REG4: variants seen among roughly 807,000 people sequenced by gnomAD.
REG4 encodes regenerating family member 4.
In REG4, 16 loss-of-function variants were observed where a neutral mutation model predicts 22.3. The ratio of observed to expected loss-of-function variants is 0.72; its 90% CI spans 0.49 to 1.09. The LOEUF is 1.09. Among genes scored for constraint, REG4 ranks in the 50% least tolerant of loss-of-function variants. The pLI is 0.00. For missense variants in REG4, 214 were observed against 193.9 expected, an observed-to-expected ratio of 1.10 and a Z score of -0.61; for synonymous variants, 71 against 69.2, an observed-to-expected ratio of 1.03 and a Z score of -0.13.
intron 4 of REG4, 25 bp downstream of exon 4, chr1:119,799,700 C>T (rs371715163): frequency 1.2e-6 from 2 of 1,606,708 alleles, no homozygotes; most frequent in Non-Finnish European, 8.5e-7. Context: ...CCCAAGAGGG[C>T]CTTTGTGGCC....
Position 119,799,736 on chromosome 1 carries a change from C to A in REG4, c.292G>T (p.Asp98Tyr). Residue 98 changes from aspartate to tyrosine, a missense_variant, in exon 4 of 6, where the codon GAC becomes TAC. Asp to Tyr is a radical substitution (Grantham distance 160, BLOSUM62 -3). Coordinates refer to ENST00000256585, the MANE Select transcript of REG4 (RefSeq NM_032044.4). ...AAGTCTGAGGTTACCTTCTGTGGGT[C>A]GTGCAGGCCAATCCATATCGGCTGG... is the stretch of plus-strand genomic sequence containing the variant. ...RSQPIWIGLH[D>Y]PQKRQQWQWI... 2.5e-6 allele frequency: 4 copies of A among 1,613,772 alleles called. No individual in the cohort carries two copies. Among genetic ancestry groups the A allele is most frequent in the Non-Finnish European group, 2.5e-6 (3 of 1,179,868 alleles).
chr1:119,798,742 A>G (rs1177638903), intron 4 of REG4, 140 bp from the exon 5 acceptor site: 1 of 574,986 alleles, frequency 1.7e-6, no homozygotes, highest in Non-Finnish European at 3.1e-6. Context: ...AAGGAAAAAG[A>G]GAAAGTCATT....
At chr1:119,799,668 A>C in intron 4 of REG4, 57 bp downstream of exon 4, 1 of 1,591,448 alleles carries the variant, frequency 6.3e-7, no homozygotes, top group South Asian at 1.1e-5. Flanking sequence ...ATTCCCCAAA[A>C]AGAGGATGCC....
rs375392483 is a variant in REG4 at position 119,803,184 on chromosome 1, C to T, written c.68-19G>A. On this transcript the variant is annotated intron_variant, in intron 2 of 5. Transcript: ENST00000256585. Reference sequence around the variant, plus strand: ...ATGATATCTGCACATAAACAAAAGGCAATTGCACATTATGATAGCAAAAAC... The same window carrying T: ...ATGATATCTGCACATAAACAAAAGGTAATTGCACATTATGATAGCAAAAAC... 1.4e-5 allele frequency: 21 copies of T among 1,502,762 alleles called. No individual in the cohort carries two copies. The highest frequency in any genetic ancestry group is 5.6e-5 in the South Asian group (4 of 71,850). The allele number at this position is 1,502,762 out of a possible 1,614,324, so 93.1% of individuals were successfully genotyped here.
intron 3 of REG4, chr1:119,802,488 A>G: frequency 9.7e-7 from 1 of 1,029,086 alleles, no homozygotes; most frequent in Non-Finnish European, 1.2e-6. Context: ...ATTAATCACA[A>G]TTCAGCAGCA....
chr1:119,809,830 A>T (rs2994810), intron 1 of REG4, among the ~76,000 whole-genome samples: 121,117 of 152,148 alleles, frequency 0.8, 48,499 homozygotes, highest in South Asian at 0.84. Flanking sequence ...AAGCTCCCAG[A>T]GAATGCTTAA....
rs1654399547 is a variant in REG4, at chr1:119,808,651, G to A, written c.67+52C>T. 6.4e-6 allele frequency: 8 copies of A among 1,253,342 alleles called. No homozygotes were observed. In the South Asian group the frequency reaches 9.7e-5, roughly 15 times the overall value. 77.6% of individuals were successfully genotyped at this position (1,253,342 alleles called of 1,614,324 possible). A position where few individuals can be genotyped will look rare whatever the true frequency, so the allele number is the denominator to read the frequency against. On this transcript the variant is annotated intron_variant, in intron 2 of 5. Coordinates refer to ENST00000256585, the MANE Select transcript of REG4 (RefSeq NM_032044.4). ...GCAAATGGATGACTGTCTCACATGG[G>A]CTGTGTGAACACTGGCTGTGGCTCA...
In REG4 at chr1:119,798,763, G is replaced by A. The variant is rs897999674; in HGVS notation, c.304-161C>T. On this transcript the variant is annotated intron_variant, in intron 4 of 5. Coordinates refer to ENST00000256585, the MANE Select transcript of REG4 (RefSeq NM_032044.4). Reference sequence around the variant, plus strand: ...AAAGAGAAAGTCATTCCACTCAACCGCTAATAGGAAAACATTACCAATATT... The same window carrying A: ...AAAGAGAAAGTCATTCCACTCAACCACTAATAGGAAAACATTACCAATATT... 4.6e-5 allele frequency among the ~76,000 whole-genome samples: 7 copies of A among 152,144 alleles called. No homozygotes were observed. In the South Asian group the frequency reaches 6.2e-4, roughly 14 times the overall value.
intron 1 of REG4, among the ~76,000 whole-genome samples, chr1:119,810,833 A>C (rs1654472367): frequency 6.6e-6 from 1 of 152,150 alleles, no homozygotes; most frequent in Non-Finnish European, 1.5e-5. Context: ...CAGGTGGATC[A>C]CCTGAGGTCA....
Position 119,794,017 on chromosome 1 carries a change from T to C in REG4, c.*601A>G. On this transcript the variant is annotated 3_prime_UTR_variant, in exon 6 of 6. Transcript: ENST00000256585. ...TCAGATGAAGGAGACGAAGAAGCAC[T>C]TGGGTGTATTTCTTGGTCTTATTTC... The C allele has an allele frequency of 2.1e-6, 1 of 480,662 alleles. No homozygotes were observed. The highest frequency in any genetic ancestry group is 4.3e-6 in the Non-Finnish European group (1 of 230,370). 29.8% of individuals were successfully genotyped at this position (480,662 alleles called of 1,614,324 possible).
chr1:119,802,734 T>C (rs1477541346), intron 3 of REG4: 7 of 1,449,290 alleles, frequency 4.8e-6, no homozygotes, highest in Middle Eastern at 2.2e-4. Context: ...TCCATTATCC[T>C]TTCTGTGAAT....
At position 119,803,135 on chromosome 1, in the gene REG4, C is replaced by T. The variant is rs887516980; in HGVS notation, c.98G>A (p.Gly33Glu). The change falls in exon 3 of 6, where the codon GGA becomes GAA. Residue 33 changes from glycine (G) to glutamate (E), a missense_variant. Physicochemically the swap from Gly to Glu is moderately conservative, Grantham distance 98 (BLOSUM62 -2). Coordinates refer to ENST00000256585, the MANE Select transcript of REG4 (RefSeq NM_032044.4). ...GCAATTGGACTTGTGGTAAAACCAT[C>T]CAGGAGCACAGCTGGGTCTCATGAT... ...DIIMRPSCAP[G>E]WFYHKSNCYG... 1.3e-6 allele frequency: 2 copies of T among 1,529,404 alleles called. No individual in the cohort carries two copies. The highest frequency in any genetic ancestry group is 1.3e-5 in the South Asian group (1 of 75,816). 94.7% of individuals were successfully genotyped at this position (1,529,404 alleles called of 1,614,324 possible). A position where few individuals can be genotyped will look rare whatever the true frequency, so the allele number is the denominator to read the frequency against.
At position 119,806,981 on chromosome 1, in the gene REG4, C is replaced by T. The variant is rs138221421; in HGVS notation, c.67+1722G>A. Among the ~76,000 whole-genome samples the T allele has an allele frequency of 2.2e-4, 34 of 152,222 alleles. 1 individual carries two copies. In the East Asian group the frequency reaches 5.4e-3, roughly 24 times the overall value. ...CAGAGCCTAGTGTATAGGAATTGTT[C>T]GACAAATAGTAGCTAGTTAAAACCT... On this transcript the variant is annotated intron_variant, in intron 2 of 5. Coordinates refer to ENST00000256585, the MANE Select transcript of REG4 (RefSeq NM_032044.4).
chr1:119,803,861 G>A (rs1454296915), intron 2 of REG4, among the ~76,000 whole-genome samples: 3 of 152,164 alleles, frequency 2.0e-5, no homozygotes, highest in Non-Finnish European at 4.4e-5. Context: ...AAGGAGGCAG[G>A]AATGTGTGGG....
intron 3 of REG4, among the ~76,000 whole-genome samples, chr1:119,800,107 C>T (rs942443372): frequency 1.3e-5 from 2 of 152,094 alleles, no homozygotes; most frequent in Non-Finnish European, 2.9e-5. Context: ...AGGACGTGCC[C>T]GGGGTCCTGG....
intron 4 of REG4, 115 bp downstream of exon 4, chr1:119,799,610 A>ACAGAGGG: frequency 7.3e-7 from 1 of 1,362,278 alleles, no homozygotes; most frequent in South Asian, 1.4e-5. Flanking sequence ...CTGGAGGCAC[A>ACAGAGGG]TCTGGAGAAG....
intron 4 of REG4, 89 bp from the exon 5 acceptor site, chr1:119,798,691 T>C: frequency 1.1e-6 from 1 of 879,164 alleles, no homozygotes; most frequent in East Asian, 2.5e-5. Context: ...TAAAACATGG[T>C]TTTCATTGCA....
At chr1:119,797,608 C>A (rs1310997275) in intron 5 of REG4, among the ~76,000 whole-genome samples, 2 of 152,186 alleles carry the variant, frequency 1.3e-5, no homozygotes, top group African/African-American at 4.8e-5. Context: ...CTATTAGACC[C>A]ACTGGGATAT....
rs200030201 is a variant in REG4 at position 119,799,874 on chromosome 1, G to A, written c.166-12C>T. ...GACTGACACTCGAGCTATGTACAAGGAGAGGTCCTGTTAATTATGCCTGCA... is the reference window on the plus strand; with the variant it reads ...GACTGACACTCGAGCTATGTACAAGAAGAGGTCCTGTTAATTATGCCTGCA... On this transcript the variant is annotated splice_polypyrimidine_tract_variant and intron_variant, in intron 3 of 5. Coordinates refer to ENST00000256585, the MANE Select transcript of REG4 (RefSeq NM_032044.4). The A allele has an allele frequency of 6.2e-7, 1 of 1,613,670 alleles. No homozygotes were observed. The highest frequency in any genetic ancestry group is 2.2e-5 in the East Asian group (1 of 44,876).
Sources: gnomAD v4.1 joint callset for allele counts (sites outside exome capture counted in the v4.1 genomes callset) on GRCh38, gnomAD v4.1.1 for gene constraint, MANE v1.5 for transcripts, NCBI Gene and HGNC (gene_info 2026-07-23, HGNC 2026-07-21) for gene names.